NCKAP5: variants seen among roughly 807,000 people sequenced by gnomAD.
The protein encoded by NCKAP5 is NCK associated protein 5.
A neutral mutation model predicts 167.0 loss-of-function variants in NCKAP5; 92 were observed. That is an observed-to-expected ratio of 0.55 (90% confidence interval 0.47 to 0.66). The LOEUF (loss-of-function observed/expected upper bound fraction) is 0.66, where lower values mean the gene tolerates loss of function less well. Ranked by LOEUF, NCKAP5 falls within the 30% of genes least tolerant of loss-of-function variation. The pLI is 0.00. For synonymous variants in NCKAP5, 891 were observed against 877.4 expected (o/e 1.02, Z -0.27); for missense variants, 2,378 against 2,315.0 (o/e 1.03, Z -0.56).
intron 3 of NCKAP5, among the ~76,000 whole-genome samples, chr2:133,353,342 C>T (rs910125407): frequency 6.6e-6 from 1 of 152,188 alleles, no homozygotes; most frequent in African/African-American, 2.4e-5. Context: ...AGACCCTCTG[C>T]TCCCAGTTTT....
At chr2:133,394,617 T>A (rs1282864853) in intron 3 of NCKAP5, among the ~76,000 whole-genome samples, 1 of 152,218 alleles carries the variant, frequency 6.6e-6, no homozygotes. Context: ...TTGGAAATTA[T>A]CCAAATCTTG....
intron 19 of NCKAP5, among the ~76,000 whole-genome samples, chr2:132,695,736 T>G: frequency 6.6e-6 from 1 of 152,166 alleles, no homozygotes; most frequent in East Asian, 1.9e-4. Context: ...ACTTTTACCG[T>G]TCTGTTACCT....
chr2:132,900,632 T>A (rs186953699), intron 8 of NCKAP5, among the ~76,000 whole-genome samples: 21 of 152,258 alleles, frequency 1.4e-4, no homozygotes, highest in African/African-American at 5.1e-4. Flanking sequence ...CCACATAATT[T>A]TATAGAGTAT....
At chr2:133,092,552 T>C (rs570571593) in intron 6 of NCKAP5, among the ~76,000 whole-genome samples, 1 of 152,340 alleles carries the variant, frequency 6.6e-6, no homozygotes, top group Admixed American at 6.5e-5. Flanking sequence ...ACTGCAACTT[T>C]AAGTGAAACA....
chr2:133,330,244 A>ATTTTTTTTTTTTTT (rs765058418), intron 3 of NCKAP5, among the ~76,000 whole-genome samples: 15 of 88,152 alleles, frequency 1.7e-4, no homozygotes, highest in Admixed American at 3.3e-4. Flanking sequence ...TATTTTTTGT[A>ATTTTTTTTTTTTTT]TTTTTTTTTT....
intron 5 of NCKAP5, among the ~76,000 whole-genome samples, chr2:133,212,103 TCA>T (rs1230298112): frequency 1.3e-5 from 2 of 152,186 alleles, no homozygotes; most frequent in Non-Finnish European, 2.9e-5. Context: ...GTTAAAGGAA[TCA>T]CAAAATTCCC....
intron 8 of NCKAP5, among the ~76,000 whole-genome samples, chr2:132,879,135 C>A (rs542979470): frequency 3.0e-4 from 46 of 152,196 alleles, no homozygotes; most frequent in African/African-American, 1.1e-3. Context: ...TAAAGAAATG[C>A]AAAACTTGAT....
At chr2:133,100,859 T>C (rs1264553151) in intron 6 of NCKAP5, among the ~76,000 whole-genome samples, 5 of 152,222 alleles carry the variant, frequency 3.3e-5, no homozygotes, top group Non-Finnish European at 7.3e-5. Context: ...TTGTTGACGT[T>C]TGTATTCTTA....
intron 3 of NCKAP5, among the ~76,000 whole-genome samples, chr2:133,480,177 C>A (rs1011838162): frequency 4.6e-5 from 7 of 152,032 alleles, no homozygotes; most frequent in African/African-American, 1.5e-4. Context: ...AGTGGTCCAC[C>A]CACCTCGGCC....
intron 3 of NCKAP5, among the ~76,000 whole-genome samples, chr2:133,336,064 G>A (rs1024102701): frequency 1.3e-5 from 2 of 152,060 alleles, no homozygotes; most frequent in African/African-American, 4.8e-5. Context: ...ATTAAGAGGT[G>A]TGGGCCTTCA....
Position 133,467,565 on chromosome 2 carries a change from G to C in NCKAP5, c.69+49893C>G, listed in dbSNP as rs1172748087. Among the ~76,000 whole-genome samples the C allele has an allele frequency of 1.7e-4, 26 of 150,382 alleles. No homozygotes were observed. The East Asian group carries it at 2.0e-3, about 12-fold the overall frequency. On this transcript the variant is annotated intron_variant, in intron 3 of 19. Coordinates refer to ENST00000409261, the MANE Select transcript of NCKAP5 (RefSeq NM_207363.3). ...GGATTCCCTCTTTTTCTATTGATTG[G>C]AATAGTTTCAGAAGGAATGGTACCA...
intron 7 of NCKAP5, among the ~76,000 whole-genome samples, chr2:132,991,151 C>T (rs1431580708): frequency 1.3e-5 from 2 of 152,148 alleles, no homozygotes; most frequent in Non-Finnish European, 2.9e-5. Flanking sequence ...TGTACATCCT[C>T]AGGCAAGCAC....
intron 3 of NCKAP5, among the ~76,000 whole-genome samples, chr2:133,327,695 C>T (rs1015843934): frequency 1.2e-4 from 19 of 152,096 alleles, no homozygotes; most frequent in African/African-American, 4.3e-4. Context: ...ATATAGTTGC[C>T]TAAAATTCTT....
intron 4 of NCKAP5, among the ~76,000 whole-genome samples, chr2:133,275,762 G>A (rs1185615856): frequency 6.6e-6 from 1 of 150,504 alleles, no homozygotes; most frequent in Non-Finnish European, 1.5e-5. Context: ...GGAATTAAGG[G>A]TAACAGTAAA....
chr2:133,024,466 AT>A (rs572044592), intron 6 of NCKAP5, among the ~76,000 whole-genome samples: 16 of 152,344 alleles, frequency 1.1e-4, no homozygotes, highest in African/African-American at 3.8e-4. Flanking sequence ...ATGGCATTTT[AT>A]TTAATTCTGA....
intron 16 of NCKAP5, among the ~76,000 whole-genome samples, chr2:132,749,992 A>T (rs956764407): frequency 6.6e-6 from 1 of 151,220 alleles, no homozygotes; most frequent in Non-Finnish European, 1.5e-5. Context: ...GGCAAAAATC[A>T]GTATATCCAG....
chr2:133,617,001 C>T, the NCKAP5 span, among the ~76,000 whole-genome samples: 40 of 152,228 alleles, frequency 2.6e-4, no homozygotes, highest in East Asian at 4.2e-3. Flanking sequence ...GTTCAATATA[C>T]GGAAATCAAT....
chr2:133,217,636 C>T (rs1045500766), intron 4 of NCKAP5, among the ~76,000 whole-genome samples: 3 of 151,970 alleles, frequency 2.0e-5, no homozygotes, highest in Admixed American at 6.6e-5. Context: ...CTGTAACAGC[C>T]GGTTGCCTGA....
intron 8 of NCKAP5, among the ~76,000 whole-genome samples, chr2:132,922,246 C>T (rs750118156): frequency 4.2e-4 from 64 of 152,124 alleles, no homozygotes; most frequent in Non-Finnish European, 8.1e-4. Flanking sequence ...GGGAATCATA[C>T]ATGTAAAAGC....
Sources: allele counts gnomAD v4.1 joint callset (sites outside exome capture counted in the v4.1 genomes callset), GRCh38; gene constraint gnomAD v4.1.1; transcripts MANE v1.5; gene names NCBI Gene and HGNC (gene_info 2026-07-23, HGNC 2026-07-21).